The following RASAL2 variants were observed in gnomAD, a reference collection of about 807,000 sequenced individuals.
The protein encoded by RASAL2 is RAS protein activator like 2, also known as ras GTPase-activating protein nGAP.
A neutral mutation model predicts 128.9 loss-of-function variants in RASAL2; 58 were observed. That is an observed-to-expected ratio of 0.45 (90% CI 0.36 to 0.56). The LOEUF is 0.56. RASAL2 is among the 20% of genes least tolerant of loss of function. The pLI, the probability that RASAL2 is intolerant of heterozygous loss-of-function variation, is 0.00. For missense variants in RASAL2, 1,360 were observed against 1,601.6 expected, an observed-to-expected ratio of 0.85 and a Z score of 2.57; for synonymous variants, 561 against 580.8, an observed-to-expected ratio of 0.97 and a Z score of 0.49.
intron 1 of RASAL2, among the ~76,000 whole-genome samples, chr1:178,102,567 T>C (rs963895951): frequency 1.3e-5 from 2 of 152,190 alleles, no homozygotes; most frequent in African/African-American, 4.8e-5. Flanking sequence ...ATTCCAGTCT[T>C]TTTTGTGTAC....
intron 1 of RASAL2, among the ~76,000 whole-genome samples, chr1:178,175,570 A>G (rs1661858412): frequency 1.3e-5 from 2 of 151,884 alleles, no homozygotes; most frequent in African/African-American, 2.4e-5. Context: ...TTTAGTGTAC[A>G]AGTGGTTTTT....
intron 1 of RASAL2, among the ~76,000 whole-genome samples, chr1:178,151,505 C>T (rs1203864011): frequency 6.6e-6 from 1 of 152,196 alleles, no homozygotes; most frequent in African/African-American, 2.4e-5. Flanking sequence ...CAGAGGCTTA[C>T]AGGAACCTAA....
chr1:178,270,056 G>A (rs1169586547), intron 1 of RASAL2, among the ~76,000 whole-genome samples: 3 of 152,122 alleles, frequency 2.0e-5, no homozygotes, highest in African/African-American at 7.2e-5. Context: ...AATAATCTAG[G>A]TTAGAAATAC....
At chr1:178,225,133 A>T (rs1663741967) in intron 1 of RASAL2, among the ~76,000 whole-genome samples, 1 of 151,868 alleles carries the variant, frequency 6.6e-6, no homozygotes, top group Non-Finnish European at 1.5e-5. Flanking sequence ...AATATGAGAG[A>T]CTTAGTGAAG....
intron 1 of RASAL2, among the ~76,000 whole-genome samples, chr1:178,134,898 G>T (rs755665259): frequency 3.9e-5 from 6 of 152,160 alleles, no homozygotes; most frequent in Non-Finnish European, 8.8e-5. Flanking sequence ...TTTGGGATAC[G>T]CAAGGCATTT....
chr1:178,371,322 CCACACACACACA>C (rs370972772), intron 3 of RASAL2, among the ~76,000 whole-genome samples: 1 of 124,368 alleles, frequency 8.0e-6, no homozygotes, highest in East Asian at 2.3e-4. Context: ...GCCTTCTTTC[CCACACACACACA>C]CACACACACA....
At chr1:178,096,812 G>T (rs1658709315) in intron 1 of RASAL2, among the ~76,000 whole-genome samples, 1 of 151,960 alleles carries the variant, frequency 6.6e-6, no homozygotes, top group Non-Finnish European at 1.5e-5. Context: ...TCCTTCCTCT[G>T]AGGCAGCTCA....
At position 178,333,531 on chromosome 1, in the gene RASAL2, C is replaced by T. The variant is rs1463461640; in HGVS notation, c.457+33413C>T. ...TATATCCTATTGCTCAAGGTCATCA[C>T]CAAAGTCTGATTTTTTTGCAAAACA... On this transcript the variant is annotated intron_variant, in intron 3 of 17. Transcript: ENST00000367649. Among the ~76,000 whole-genome samples the T allele has an allele frequency of 3.3e-5, 5 of 151,940 alleles. No individual in the cohort carries two copies. The East Asian group carries it at 7.7e-4, about 24-fold the overall frequency.
chr1:178,358,533 AG>A (rs1229344597), intron 3 of RASAL2, among the ~76,000 whole-genome samples: 10 of 152,194 alleles, frequency 6.6e-5, no homozygotes. Flanking sequence ...CTTTCACAAA[AG>A]CATAACATAT....
chr1:178,337,624 T>C (rs760012917), intron 3 of RASAL2, among the ~76,000 whole-genome samples: 25 of 152,118 alleles, frequency 1.6e-4, no homozygotes, highest in Non-Finnish European at 3.2e-4. Context: ...ATAACCTCAG[T>C]TGGTTTGCTT....
chr1:178,424,907 A>G (rs958313768), intron 5 of RASAL2, among the ~76,000 whole-genome samples: 1 of 152,230 alleles, frequency 6.6e-6, no homozygotes. Context: ...TGTTTCTAAA[A>G]TCCAAATGTA....
chr1:178,151,529 A>G (rs1244618093), intron 1 of RASAL2, among the ~76,000 whole-genome samples: 1 of 152,230 alleles, frequency 6.6e-6, no homozygotes, highest in African/African-American at 2.4e-5. Context: ...TGTATTTCTC[A>G]TATTCGCTAA....
chr1:178,179,966 T>C (rs1408202472), intron 1 of RASAL2, among the ~76,000 whole-genome samples: 3 of 152,228 alleles, frequency 2.0e-5, no homozygotes, highest in African/African-American at 7.2e-5. Flanking sequence ...AATTTCTTGT[T>C]GTTATAAATA....
chr1:178,107,162 G>A (rs1404086393), intron 1 of RASAL2, among the ~76,000 whole-genome samples: 2 of 152,072 alleles, frequency 1.3e-5, no homozygotes. Context: ...GACTCCTAAC[G>A]ATTCTTGGTG....
chr1:178,202,636 A>G (rs767614310), intron 1 of RASAL2, among the ~76,000 whole-genome samples: 10 of 152,226 alleles, frequency 6.6e-5, no homozygotes, highest in Non-Finnish European at 1.5e-4. Context: ...ACTTGGAAGA[A>G]GCATGATTGG....
chr1:178,228,804 A>C (rs527701595), intron 1 of RASAL2, among the ~76,000 whole-genome samples: 2 of 152,274 alleles, frequency 1.3e-5, no homozygotes, highest in East Asian at 3.9e-4. Context: ...ATATCTTAAT[A>C]GGGTGATCTT....
intron 1 of RASAL2, among the ~76,000 whole-genome samples, chr1:178,165,561 G>T (rs1340292145): frequency 6.6e-6 from 1 of 152,126 alleles, no homozygotes; most frequent in Non-Finnish European, 1.5e-5. Flanking sequence ...ATCCCCTAAG[G>T]ATGCTAAGGG....
intron 1 of RASAL2, among the ~76,000 whole-genome samples, chr1:178,256,143 C>G (rs1206463193): frequency 1.3e-5 from 2 of 152,112 alleles, no homozygotes; most frequent in Non-Finnish European, 2.9e-5. Context: ...CCAGCAACAT[C>G]TAAGTATTAT....
intron 14 of RASAL2, among the ~76,000 whole-genome samples, chr1:178,459,417 C>T (rs1017967629): frequency 2.6e-5 from 4 of 151,714 alleles, no homozygotes; most frequent in Non-Finnish European, 5.9e-5. Flanking sequence ...CCTAAAAAAG[C>T]ATTGTATTAG....
Sources: gnomAD v4.1 joint callset for allele counts (sites outside exome capture counted in the v4.1 genomes callset) on GRCh38, gnomAD v4.1.1 for gene constraint, MANE v1.5 for transcripts, NCBI Gene and HGNC (gene_info 2026-07-23, HGNC 2026-07-21) for gene names.